Variants in ARHGAP39 observed in about 807,000 individuals in gnomAD.
ARHGAP39 encodes the protein Rho GTPase activating protein 39.
In ARHGAP39, 44 loss-of-function variants were observed where a neutral mutation model predicts 106.9. The observed-to-expected ratio is 0.41, with a 90% confidence interval of 0.32 to 0.53. ARHGAP39 has a LOEUF of 0.53. Ranked by LOEUF, ARHGAP39 falls within the 20% of genes least tolerant of loss-of-function variation. The pLI is 0.21. For synonymous variants in ARHGAP39, 768 were observed against 693.2 expected (o/e 1.11, Z -1.69); for missense variants, 1,496 against 1,577.3 (o/e 0.95, Z 0.87).
At chr8:144,631,514 A>G (rs1821061960) in intron 1 of ARHGAP39, among the ~76,000 whole-genome samples, 1 of 152,214 alleles carries the variant, frequency 6.6e-6, no homozygotes, top group South Asian at 2.1e-4. Flanking sequence ...CCTGAGGATA[A>G]TCACACTATC....
At chr8:144,653,106 T>C (rs1050638855) in intron 1 of ARHGAP39, among the ~76,000 whole-genome samples, 2 of 152,152 alleles carry the variant, frequency 1.3e-5, no homozygotes, top group Non-Finnish European at 2.9e-5. Flanking sequence ...GACGCCAGCC[T>C]GATCAACATG....
At chr8:144,677,790 AG>A (rs996257063) in intron 1 of ARHGAP39, among the ~76,000 whole-genome samples, 6 of 152,240 alleles carry the variant, frequency 3.9e-5, no homozygotes, top group African/African-American at 1.4e-4. Flanking sequence ...ACCAGGTTCC[AG>A]GGTAGAGACT....
rs1439868547 is a variant in ARHGAP39, at chr8:144,670,219, C to T, written c.-82+15467G>A. 1.3e-5 allele frequency among the ~76,000 whole-genome samples: 2 copies of T among 151,728 alleles called. No individual in the cohort carries two copies. The highest frequency in any genetic ancestry group is 2.9e-5 in the Non-Finnish European group (2 of 67,906). On this transcript the variant is annotated intron_variant, in intron 1 of 11. Coordinates refer to ENST00000377307, the MANE Select transcript of ARHGAP39 (RefSeq NM_025251.3). The surrounding 1 kb of genome is among the most constrained non-coding windows in gnomAD (Gnocchi z 4.4). ...AACAGAGCTCGGACGCATGCTAGAG[C>T]GTACCGGGAAGCTGGATGAGGGCCT...
At chr8:144,552,372 G>C (rs948647833) in intron 4 of ARHGAP39, among the ~76,000 whole-genome samples, 1 of 152,262 alleles carries the variant, frequency 6.6e-6, no homozygotes, top group Non-Finnish European at 1.5e-5. Context: ...GGACGGAGCT[G>C]GGAGAAGCGC....
At chr8:144,592,822 A>G (rs994300641) in intron 2 of ARHGAP39, among the ~76,000 whole-genome samples, 1 of 152,200 alleles carries the variant, frequency 6.6e-6, no homozygotes, top group Non-Finnish European at 1.5e-5. Context: ...GACTGGCTGG[A>G]GCTGGACCTC....
chr8:144,676,733 C>A (rs955178889), intron 1 of ARHGAP39, among the ~76,000 whole-genome samples: 4 of 152,256 alleles, frequency 2.6e-5, no homozygotes, highest in Non-Finnish European at 5.9e-5. Flanking sequence ...ACAGCACCGG[C>A]TCCCGCCCAC....
intron 1 of ARHGAP39, among the ~76,000 whole-genome samples, chr8:144,676,374 C>G (rs1165181416): frequency 6.6e-6 from 1 of 152,100 alleles, no homozygotes; most frequent in Admixed American, 6.5e-5. Context: ...TAGCTAGACA[C>G]AGAGCACTGA....
chr8:144,574,205 G>A (rs1186370190), intron 3 of ARHGAP39, among the ~76,000 whole-genome samples: 1 of 151,398 alleles, frequency 6.6e-6, no homozygotes, highest in African/African-American at 2.4e-5. Flanking sequence ...AGGAGGAGGG[G>A]GAAGAAGAAA....
At chr8:144,697,707 G>T in the ARHGAP39 span, among the ~76,000 whole-genome samples, 1 of 151,952 alleles carries the variant, frequency 6.6e-6, no homozygotes, top group Non-Finnish European at 1.5e-5. Context: ...GGCCAGGCTG[G>T]TCTCGAACTC....
At chr8:144,673,234 GAAA>G (rs1822146632) in intron 1 of ARHGAP39, among the ~76,000 whole-genome samples, 1 of 142,738 alleles carries the variant, frequency 7.0e-6, no homozygotes, top group African/African-American at 2.9e-5. Flanking sequence ...AAAAGAGGAA[GAAA>G]GAAAAGAAAC....
intron 1 of ARHGAP39, among the ~76,000 whole-genome samples, chr8:144,656,809 A>AAAAAAAAAAC (rs1821710359): frequency 7.0e-6 from 1 of 142,552 alleles, no homozygotes; most frequent in African/African-American, 2.7e-5. Flanking sequence ...CTCCATCTCA[A>AAAAAAAAAAC]AAAAAAAAAA....
At chr8:144,535,214 T>G (rs1816905699) in intron 7 of ARHGAP39, among the ~76,000 whole-genome samples, 1 of 152,234 alleles carries the variant, frequency 6.6e-6, no homozygotes, top group Non-Finnish European at 1.5e-5. Context: ...ATGGGGTCCT[T>G]GGACCAGGTT....
intron 3 of ARHGAP39, among the ~76,000 whole-genome samples, chr8:144,564,088 T>C (rs1421294370): frequency 6.6e-6 from 1 of 152,218 alleles, no homozygotes; most frequent in Non-Finnish European, 1.5e-5. Flanking sequence ...GAGCTCAAAA[T>C]ATAGATCCAG....
rs138829800 is a variant in ARHGAP39 at position 144,545,391 on chromosome 8, G to A, written c.2379C>T (p.Thr793=). 88 of 1,595,982 alleles carry A rather than the reference G, an allele frequency of 5.5e-5. 1 individual carries two copies. In the East Asian group the frequency reaches 8.8e-4, roughly 16 times the overall value. Reference sequence around the variant, plus strand: ...CCAGGCTCTCCAGGCGGAAGTTCTCGGTGGTCTGCCGGCACAGCTGGATGT... The same window carrying A: ...CCAGGCTCTCCAGGCGGAAGTTCTCAGTGGTCTGCCGGCACAGCTGGATGT... ...ELYIQLCRQT[T]ENFRLESLAR... Residue 793 remains threonine (T), a synonymous_variant, in exon 6 of 12, where the codon ACC becomes ACT. Transcript: ENST00000377307.
Position 144,530,039 on chromosome 8 carries a change from G to C in ARHGAP39, c.*383C>G, listed in dbSNP as rs1465205639. ...GACAGGAGAAAGGGAAGGAGAGACC[G>C]GGGCGGCTGGGCAAGGCCCAGGCCA... On this transcript the variant is annotated 3_prime_UTR_variant, in exon 12 of 12. Coordinates refer to ENST00000377307, the MANE Select transcript of ARHGAP39 (RefSeq NM_025251.3). 4 of 223,544 alleles carry C rather than the reference G, an allele frequency of 1.8e-5. No homozygotes were observed. Among genetic ancestry groups the C allele is most frequent in the South Asian group, 7.7e-5 (1 of 13,054 alleles). 13.8% of individuals were successfully genotyped at this position (223,544 alleles called of 1,614,324 possible).
chr8:144,619,867 C>T (rs1045767313), intron 1 of ARHGAP39, among the ~76,000 whole-genome samples: 28 of 124,448 alleles, frequency 2.2e-4, no homozygotes, highest in Admixed American at 8.3e-4. Context: ...TCCGAGAGAG[C>T]GTGAGCCCGT....
At chr8:144,569,882 G>GTA (rs1244614773) in intron 3 of ARHGAP39, among the ~76,000 whole-genome samples, 1 of 152,234 alleles carries the variant, frequency 6.6e-6, no homozygotes. Context: ...AACACACAGA[G>GTA]TAGTGGGTGT....
intron 3 of ARHGAP39, among the ~76,000 whole-genome samples, chr8:144,555,931 A>C (rs530261513): frequency 2.0e-5 from 3 of 152,352 alleles, no homozygotes; most frequent in Admixed American, 1.3e-4. Flanking sequence ...AGATGGGGTT[A>C]CTGAGAATCA....
chr8:144,610,883 C>A (rs920601787), intron 1 of ARHGAP39, among the ~76,000 whole-genome samples: 1 of 152,106 alleles, frequency 6.6e-6, no homozygotes, highest in Non-Finnish European at 1.5e-5. Flanking sequence ...GTGGTGGGAT[C>A]TTGGCTTGCT....
Sources: allele counts gnomAD v4.1 joint callset (sites outside exome capture counted in the v4.1 genomes callset), GRCh38; gene constraint gnomAD v4.1.1; non-coding constraint Gnocchi (gnomAD v3.1); transcripts MANE v1.5; gene names NCBI Gene and HGNC (gene_info 2026-07-23, HGNC 2026-07-21).